Variants in EIF4G3 observed in about 807,000 individuals in gnomAD.
The protein encoded by EIF4G3 is eukaryotic translation initiation factor 4 gamma 3.
Under a neutral mutation model 186.4 loss-of-function variants are expected in EIF4G3, and 34 were observed. The ratio of observed to expected loss-of-function variants is 0.18; its 90% CI spans 0.14 to 0.24. The LOEUF (loss-of-function observed/expected upper bound fraction) is 0.24. EIF4G3 is among the 10% of genes least tolerant of loss of function. EIF4G3 has a pLI of 1.00. For missense variants in EIF4G3, 1,536 were observed against 1,948.5 expected (o/e 0.79, Z 3.99); for synonymous variants, 673 against 679.5 (o/e 0.99, Z 0.15).
At chr1:21,108,902 CAAAAAAAAAAA>C (rs767728797) in intron 2 of EIF4G3, among the ~76,000 whole-genome samples, 1 of 33,216 alleles carries the variant, frequency 3.0e-5, no homozygotes, top group African/African-American at 1.1e-4. Flanking sequence ...GACTCCATCT[CAAAAAAAAAAA>C]AAAAAAAAAA....
chr1:21,160,069 T>C (rs1191874014), intron 2 of EIF4G3, among the ~76,000 whole-genome samples: 2 of 149,660 alleles, frequency 1.3e-5, no homozygotes, highest in Admixed American at 6.7e-5. Flanking sequence ...ATTGTGCTAT[T>C]GCACTCCAGC....
chr1:21,102,671 CTT>C (rs1394055548), intron 2 of EIF4G3, among the ~76,000 whole-genome samples: 2 of 152,180 alleles, frequency 1.3e-5, no homozygotes, highest in African/African-American at 4.8e-5. Context: ...CACCTTGACT[CTT>C]GTCATCTCTT....
intron 3 of EIF4G3, among the ~76,000 whole-genome samples, chr1:21,053,338 C>T (rs1216345524): frequency 3.3e-5 from 5 of 151,352 alleles, no homozygotes; most frequent in Non-Finnish European, 3.0e-5. Context: ...GGAGCGTCTC[C>T]GCCCAGCAGC....
At chr1:20,993,488 G>T (rs2081573152) in intron 7 of EIF4G3, among the ~76,000 whole-genome samples, 1 of 151,950 alleles carries the variant, frequency 6.6e-6, no homozygotes, top group African/African-American at 2.4e-5. Flanking sequence ...CTAAATAATT[G>T]TATTTTTTCT....
At chr1:21,054,442 C>G (rs961597724) in intron 3 of EIF4G3, among the ~76,000 whole-genome samples, 3 of 146,722 alleles carry the variant, frequency 2.0e-5, no homozygotes, top group Non-Finnish European at 3.0e-5. Flanking sequence ...TCCCCCTCTG[C>G]GAGAAACACC....
intron 7 of EIF4G3, among the ~76,000 whole-genome samples, chr1:20,985,334 T>C (rs1310795973): frequency 6.6e-6 from 1 of 152,190 alleles, no homozygotes. Flanking sequence ...GTTCATATGC[T>C]AAAAGCGTAT....
At chr1:21,163,574 C>T (rs937476276) in intron 2 of EIF4G3, among the ~76,000 whole-genome samples, 1 of 152,184 alleles carries the variant, frequency 6.6e-6, no homozygotes, top group Non-Finnish European at 1.5e-5. Context: ...TCAGCAACTC[C>T]ACTCATTCCC....
chr1:20,994,584 G>C (rs2081872782), intron 7 of EIF4G3, among the ~76,000 whole-genome samples: 1 of 144,830 alleles, frequency 6.9e-6, no homozygotes, highest in Non-Finnish European at 1.5e-5. Context: ...TGATAATTAT[G>C]TTTCTTGGTA....
At chr1:20,855,172 AAC>A in intron 25 of EIF4G3, 101 bp from the exon 26 acceptor site, 1 of 892,066 alleles carries the variant, frequency 1.1e-6, no homozygotes, top group Non-Finnish European at 1.7e-6. Context: ...CAATTTTAGC[AAC>A]AAAAATTTGT....
At chr1:20,874,821 A>T (rs1488732462) in intron 20 of EIF4G3, among the ~76,000 whole-genome samples, 1 of 152,182 alleles carries the variant, frequency 6.6e-6, no homozygotes, top group Admixed American at 6.5e-5. Context: ...TTCTTATAAA[A>T]GGTTAGCTTT....
chr1:20,923,830 T>C (rs1479515574), intron 14 of EIF4G3, among the ~76,000 whole-genome samples: 3 of 150,810 alleles, frequency 2.0e-5, no homozygotes, highest in African/African-American at 7.3e-5. Flanking sequence ...TATATATATA[T>C]ATATTTATCT....
intron 20 of EIF4G3, among the ~76,000 whole-genome samples, chr1:20,869,245 G>C (rs1436141065): frequency 6.6e-6 from 1 of 151,606 alleles, no homozygotes; most frequent in Non-Finnish European, 1.5e-5. Flanking sequence ...GATAATGTAA[G>C]CAAATGGCAC....
chr1:20,808,408 G>A (rs767171414), intron 36 of EIF4G3, among the ~76,000 whole-genome samples: 10 of 151,850 alleles, frequency 6.6e-5, no homozygotes, highest in Non-Finnish European at 1.5e-4. Context: ...GTGGCCGGGC[G>A]CGGTGGCTCA....
At chr1:20,837,846 T>C (rs918791389) in intron 30 of EIF4G3, among the ~76,000 whole-genome samples, 7 of 152,078 alleles carry the variant, frequency 4.6e-5, no homozygotes, top group African/African-American at 1.7e-4. Flanking sequence ...ATTTCCCTCT[T>C]AGAAAAAGGT....
chr1:21,050,897 G>A lies in EIF4G3; in HGVS notation c.-98C>T, dbSNP rs565580333. 1.8e-5 allele frequency: 13 copies of A among 712,410 alleles called. No individual in the cohort carries two copies. Among genetic ancestry groups the A allele is most frequent in the East Asian group, 5.4e-5 (2 of 37,104 alleles). The allele number at this position is 712,410 out of a possible 1,614,324, so 44.1% of individuals were successfully genotyped here. ...GAGTCCAGGGGACGATGCATGTCCCGGGGGCGTTGCCGCAAGATTTGGATG... is the reference window on the plus strand; with the variant it reads ...GAGTCCAGGGGACGATGCATGTCCCAGGGGCGTTGCCGCAAGATTTGGATG... On this transcript the variant is annotated 5_prime_UTR_variant, in exon 4 of 37. Coordinates refer to ENST00000602326, the MANE Select transcript of EIF4G3 (RefSeq NM_001391906.1).
At chr1:21,077,079 C>T (rs1385561074) in intron 3 of EIF4G3, among the ~76,000 whole-genome samples, 3 of 152,022 alleles carry the variant, frequency 2.0e-5, no homozygotes, top group Admixed American at 1.3e-4. Flanking sequence ...ATAAGAAACA[C>T]AACTCAACAG....
intron 15 of EIF4G3, 25 bp downstream of exon 15, chr1:20,904,858 A>G (rs2091591518): frequency 6.3e-7 from 1 of 1,588,382 alleles, no homozygotes; most frequent in South Asian, 1.1e-5. Context: ...ACTGCTCTGA[A>G]TATGAACTTA....
chr1:20,885,431 G>A (rs116475091), intron 19 of EIF4G3, among the ~76,000 whole-genome samples: 1 of 152,314 alleles, frequency 6.6e-6, no homozygotes, highest in African/African-American at 2.4e-5. Context: ...TCTGCCTCCA[G>A]AGCTGGAACT....
intron 18 of EIF4G3, 31 bp from the exon 19 acceptor site, chr1:20,886,402 T>C (rs760575488): frequency 1.9e-5 from 30 of 1,600,662 alleles, no homozygotes; most frequent in Non-Finnish European, 2.6e-5. Context: ...CTATTCAGAG[T>C]ACTTACAATT....
Sources: gnomAD v4.1 joint callset for allele counts (sites outside exome capture counted in the v4.1 genomes callset) on GRCh38, gnomAD v4.1.1 for gene constraint, MANE v1.5 for transcripts, NCBI Gene and HGNC (gene_info 2026-07-23, HGNC 2026-07-21) for gene names.